CCDC152: variants seen among roughly 807,000 people sequenced by gnomAD.
The protein encoded by CCDC152 is coiled-coil domain containing 152.
Under a neutral mutation model 38.1 loss-of-function variants are expected in CCDC152, and 37 were observed. That is an observed-to-expected ratio of 0.97 (90% confidence interval 0.75 to 1.28). The LOEUF is 1.28. Ranked by LOEUF, CCDC152 falls within the 50% of genes most tolerant of loss-of-function variation. The pLI is 0.00. For synonymous variants in CCDC152, 83 were observed against 87.1 expected (o/e 0.95, Z 0.26); for missense variants, 259 against 292.1 (o/e 0.89, Z 0.83).
Position 42,800,522 on chromosome 5 carries a change from G to A in CCDC152, c.*741G>A, listed in dbSNP as rs539146481. ...CAAAAGCTGCAATCACCTTTCAGTT[G>A]CTCCATCATAAAAAATATGGTTTGA... is the stretch of plus-strand genomic sequence containing the variant. On this transcript the variant is annotated 3_prime_UTR_variant, in exon 9 of 9. Coordinates refer to ENST00000361970, the MANE Select transcript of CCDC152 (RefSeq NM_001134848.2). 1.7e-6 allele frequency: 1 copy of A among 585,168 alleles called. No homozygotes were observed. The highest frequency in any genetic ancestry group is 2.9e-5 in the South Asian group (1 of 34,250). The allele number at this position is 585,168 out of a possible 1,614,324, so 36.2% of individuals were successfully genotyped here.
chr5:42,782,374 A>G (rs937367196), intron 5 of CCDC152, among the ~76,000 whole-genome samples: 5 of 152,190 alleles, frequency 3.3e-5, no homozygotes, highest in African/African-American at 1.2e-4. Context: ...AGCATCCTTA[A>G]TATTCTAAAC....
intron 4 of CCDC152, among the ~76,000 whole-genome samples, chr5:42,774,427 C>T (rs1759744397): frequency 6.6e-6 from 1 of 152,168 alleles, no homozygotes; most frequent in South Asian, 2.1e-4. Flanking sequence ...AGCTTCTGTT[C>T]TTAACAAAGC....
chr5:42,760,309 A>C (rs1759535050), intron 2 of CCDC152, among the ~76,000 whole-genome samples: 1 of 151,318 alleles, frequency 6.6e-6, no homozygotes. Context: ...GTCTCAAAAA[A>C]AAAAAAAAAA....
chr5:42,802,201 A>G lies in CCDC152; in HGVS notation c.*2420A>G, dbSNP rs1180529289. On this transcript the variant is annotated 3_prime_UTR_variant, in exon 9 of 9. Transcript: ENST00000361970. ...CCGACTCCCATTGACCATAATATCC[A>G]TTCCGCATGATCCTAGTTCTTTAAT... The G allele has an allele frequency of 1.3e-5, 2 of 152,140 alleles. No individual in the cohort carries two copies. The highest frequency in any genetic ancestry group is 4.8e-5 in the African/African-American group (2 of 41,438). 9.4% of individuals were successfully genotyped at this position (152,140 alleles called of 1,614,324 possible). A position where few individuals can be genotyped will look rare whatever the true frequency, so the allele number is the denominator to read the frequency against.
At chr5:42,792,256 A>G (rs964345207) in intron 6 of CCDC152, among the ~76,000 whole-genome samples, 1 of 152,128 alleles carries the variant, frequency 6.6e-6, no homozygotes, top group Non-Finnish European at 1.5e-5. Flanking sequence ...CTTCAAATCT[A>G]TTATATTTTC....
At chr5:42,767,076 A>C (rs1011113185) in intron 3 of CCDC152, among the ~76,000 whole-genome samples, 2 of 152,094 alleles carry the variant, frequency 1.3e-5, no homozygotes, top group Admixed American at 6.5e-5. Context: ...AAGAAATACA[A>C]TTTTATTTGT....
At chr5:42,790,937 A>T (rs1359498213) in intron 6 of CCDC152, among the ~76,000 whole-genome samples, 1 of 152,010 alleles carries the variant, frequency 6.6e-6, no homozygotes, top group Admixed American at 6.6e-5. Flanking sequence ...ACAACACTCC[A>T]CCTACTGTAC....
At chr5:42,773,410 T>C (rs1299876301) in intron 4 of CCDC152, among the ~76,000 whole-genome samples, 2 of 152,216 alleles carry the variant, frequency 1.3e-5, no homozygotes, top group Non-Finnish European at 2.9e-5. Context: ...TATTCCTTTT[T>C]CTATCTATAA....
At chr5:42,782,841 T>A (rs1759865400) in intron 5 of CCDC152, among the ~76,000 whole-genome samples, 3 of 152,016 alleles carry the variant, frequency 2.0e-5, no homozygotes, top group Non-Finnish European at 4.4e-5. Flanking sequence ...ATCATAAATA[T>A]ATATAATTTT....
intron 6 of CCDC152, 142 bp downstream of exon 6, chr5:42,783,718 G>A: frequency 3.5e-6 from 1 of 287,412 alleles, no homozygotes; most frequent in Non-Finnish European, 6.3e-6. Context: ...ACTCGTGGTA[G>A]ATCATTTTTC....
intron 6 of CCDC152, among the ~76,000 whole-genome samples, chr5:42,789,652 A>G (rs1759972200): frequency 6.6e-6 from 1 of 152,144 alleles, no homozygotes; most frequent in Admixed American, 6.5e-5. Context: ...TTAAATGTAT[A>G]ATTAATAATT....
intron 2 of CCDC152, among the ~76,000 whole-genome samples, chr5:42,761,606 C>T (rs565216921): frequency 6.6e-6 from 1 of 151,878 alleles, no homozygotes; most frequent in Non-Finnish European, 1.5e-5. Flanking sequence ...CAGAGTCAGA[C>T]TTCATCTCAA....
chr5:42,799,429 A>G lies in CCDC152; in HGVS notation c.613A>G (p.Thr205Ala). ...QTKSKSYQDS[T>A]VLPQSIYRRK... ...TAAATCAAAATCATATCAGGATTCT[A>G]CTGTTTTGCCACAAAGTATCTACAG... Residue 205 changes from threonine to alanine, a missense_variant, in exon 8 of 9, where the codon ACT becomes GCT. Transcript: ENST00000361970. 1 of 1,545,884 alleles carries G rather than the reference A, an allele frequency of 6.5e-7. No homozygotes were observed. Among genetic ancestry groups the G allele is most frequent in the Non-Finnish European group, 8.7e-7 (1 of 1,143,896 alleles).
intron 4 of CCDC152, among the ~76,000 whole-genome samples, chr5:42,771,368 A>G (rs997564338): frequency 6.6e-6 from 1 of 152,238 alleles, no homozygotes; most frequent in Admixed American, 6.5e-5. Flanking sequence ...AAGGAACTAG[A>G]AAAAGAACAA....
At position 42,780,442 on chromosome 5, in the gene CCDC152, C is replaced by T. The variant is rs374781724; in HGVS notation, c.327+920C>T. 3.9e-4 allele frequency among the ~76,000 whole-genome samples: 60 copies of T among 152,148 alleles called. No individual in the cohort carries two copies. In the East Asian group the frequency reaches 5.6e-3, roughly 14 times the overall value. ...CTTTTCCTTTTTCCCTTTATTCTTT[C>T]CCAATCCTTTTAATATATTGACTCT... On this transcript the variant is annotated intron_variant, in intron 5 of 8. Coordinates refer to ENST00000361970, the MANE Select transcript of CCDC152 (RefSeq NM_001134848.2).
rs1430396956 is a variant in CCDC152 at position 42,762,434 on chromosome 5, C to T, written c.88-9C>T. 7.4e-7 allele frequency: 1 copy of T among 1,349,364 alleles called. No homozygotes were observed. Among genetic ancestry groups the T allele is most frequent in the Non-Finnish European group, 1.0e-6 (1 of 972,534 alleles). 83.6% of individuals were successfully genotyped at this position (1,349,364 alleles called of 1,614,324 possible). On this transcript the variant is annotated splice_polypyrimidine_tract_variant and intron_variant, in intron 2 of 8. Transcript: ENST00000361970. ...TTTGTTAATAATAAGTATTCTATTT[C>T]TTCTACAGAAAATGGTAGAAACCAA...
At chr5:42,766,424 A>T (rs1434426776) in intron 3 of CCDC152, among the ~76,000 whole-genome samples, 1 of 152,228 alleles carries the variant, frequency 6.6e-6, no homozygotes, top group Non-Finnish European at 1.5e-5. Flanking sequence ...GTATATACAC[A>T]GAAGAAAGGA....
At chr5:42,759,623 T>G (rs1759522955) in intron 2 of CCDC152, among the ~76,000 whole-genome samples, 1 of 152,218 alleles carries the variant, frequency 6.6e-6, no homozygotes, top group African/African-American at 2.4e-5. Context: ...CGGTGAAATC[T>G]TCCATTGTCT....
intron 6 of CCDC152, among the ~76,000 whole-genome samples, chr5:42,784,954 CA>C (rs1759899406): frequency 6.6e-6 from 1 of 151,916 alleles, no homozygotes; most frequent in Non-Finnish European, 1.5e-5. Flanking sequence ...TTCTGTTTTA[CA>C]GATCTATGTT....
Sources: gnomAD v4.1 joint callset for allele counts (sites outside exome capture counted in the v4.1 genomes callset) on GRCh38, gnomAD v4.1.1 for gene constraint, MANE v1.5 for transcripts, NCBI Gene and HGNC (gene_info 2026-07-23, HGNC 2026-07-21) for gene names.